RHBDL3: variants seen among roughly 807,000 people sequenced by gnomAD.
The protein encoded by RHBDL3 is rhomboid-related protein 3.
RHBDL3 carries 28 observed loss-of-function variants against 48.2 expected under a neutral mutation model. The observed-to-expected ratio is 0.58, with a 90% confidence interval of 0.43 to 0.80. The LOEUF (loss-of-function observed/expected upper bound fraction) is 0.80, where lower values mean the gene tolerates loss of function less well. RHBDL3 is among the 30% of genes least tolerant of loss of function. RHBDL3 has a pLI of 0.00. For missense variants in RHBDL3, 464 were observed against 542.7 expected, an observed-to-expected ratio of 0.85 and a Z score of 1.44; for synonymous variants, 208 against 232.3, an observed-to-expected ratio of 0.90 and a Z score of 0.95.
intron 2 of RHBDL3, among the ~76,000 whole-genome samples, chr17:32,272,093 A>C (rs575377238): frequency 6.6e-6 from 1 of 152,250 alleles, no homozygotes; most frequent in South Asian, 2.1e-4. Flanking sequence ...GGTGACTATG[A>C]GAATTAAATG....
intron 2 of RHBDL3, among the ~76,000 whole-genome samples, chr17:32,271,836 A>G (rs1240926311): frequency 1.3e-5 from 2 of 152,200 alleles, no homozygotes; most frequent in African/African-American, 4.8e-5. Flanking sequence ...CAATTTTGCT[A>G]ATCTCCCAGA....
chr17:32,272,268 T>A (rs144692038), intron 2 of RHBDL3, among the ~76,000 whole-genome samples: 1 of 152,244 alleles, frequency 6.6e-6, no homozygotes, highest in Non-Finnish European at 1.5e-5. Context: ...GAGGATTTTT[T>A]TGCTTTCTGA....
At chr17:32,274,357 T>A (rs894654721) in intron 2 of RHBDL3, among the ~76,000 whole-genome samples, 4 of 152,190 alleles carry the variant, frequency 2.6e-5, no homozygotes, top group Non-Finnish European at 5.9e-5. Context: ...GAGAAACCAG[T>A]CCGTGTGTGG....
chr17:32,266,467 C>T (rs2039634143), intron 1 of RHBDL3, among the ~76,000 whole-genome samples, 167 bp downstream of exon 1: 1 of 152,158 alleles, frequency 6.6e-6, no homozygotes, highest in South Asian at 2.1e-4. Context: ...CCGGTCTCCC[C>T]GAAACGCGCG....
In RHBDL3 at chr17:32,323,979, G is replaced by A. The variant is rs1050308346; in HGVS notation, c.*2750G>A. The A allele has an allele frequency of 2.6e-5, 4 of 152,544 alleles. No homozygotes were observed. Among genetic ancestry groups the A allele is most frequent in the African/African-American group, 9.6e-5 (4 of 41,458 alleles). 9.4% of individuals were successfully genotyped at this position (152,544 alleles called of 1,614,324 possible). A position where few individuals can be genotyped will look rare whatever the true frequency, so the allele number is the denominator to read the frequency against. ...CTCAGCAGCACTTCCCCATGGCCAAGGCTGGCCGTGTCCTCTGTGCCTCTT... is the reference window on the plus strand; with the variant it reads ...CTCAGCAGCACTTCCCCATGGCCAAAGCTGGCCGTGTCCTCTGTGCCTCTT... On this transcript the variant is annotated 3_prime_UTR_variant, in exon 9 of 9. Coordinates refer to ENST00000269051, the MANE Select transcript of RHBDL3 (RefSeq NM_138328.3).
chr17:32,301,854 T>C (rs549532844), intron 6 of RHBDL3, among the ~76,000 whole-genome samples: 2 of 152,056 alleles, frequency 1.3e-5, no homozygotes, highest in African/African-American at 4.8e-5. Flanking sequence ...TAAATAAAGT[T>C]ACATTACTTA....
At chr17:32,279,735 T>C (rs972881523) in intron 2 of RHBDL3, among the ~76,000 whole-genome samples, 22 of 152,206 alleles carry the variant, frequency 1.4e-4, no homozygotes, top group African/African-American at 4.8e-4. Flanking sequence ...CCCTTATAGC[T>C]CCCTGAGAAG....
At chr17:32,278,654 G>C (rs566677137) in intron 2 of RHBDL3, among the ~76,000 whole-genome samples, 7 of 152,246 alleles carry the variant, frequency 4.6e-5, no homozygotes, top group African/African-American at 1.4e-4. Flanking sequence ...GAATCCATCT[G>C]CACCTATTAC....
chr17:32,277,219 T>A (rs532861125), intron 2 of RHBDL3, among the ~76,000 whole-genome samples: 27 of 152,326 alleles, frequency 1.8e-4, no homozygotes, highest in Non-Finnish European at 2.6e-4. Context: ...GTCCAGGGCC[T>A]GTCTAGAGCA....
intron 2 of RHBDL3, among the ~76,000 whole-genome samples, chr17:32,274,992 A>G (rs1322957801): frequency 5.9e-5 from 9 of 152,068 alleles, no homozygotes; most frequent in Non-Finnish European, 8.8e-5. Flanking sequence ...CCAGCCCTTT[A>G]TCCTGCCTGC....
At chr17:32,282,902 A>G (rs555754466) in intron 2 of RHBDL3, among the ~76,000 whole-genome samples, 23 of 152,252 alleles carry the variant, frequency 1.5e-4, no homozygotes, top group African/African-American at 4.6e-4. Flanking sequence ...GATTACAGGC[A>G]TGAGCCACCG....
In RHBDL3 at chr17:32,301,160, G is replaced by A. The variant is rs372266547; in HGVS notation, c.781+2956G>A. On this transcript the variant is annotated intron_variant, in intron 6 of 8. Transcript: ENST00000269051. Reference sequence around the variant, plus strand: ...CTCCCAAAGTGCTGGGATTACAGGCGTGAGCCACTGCGCCTGGCAGCCCCC... The same window carrying A: ...CTCCCAAAGTGCTGGGATTACAGGCATGAGCCACTGCGCCTGGCAGCCCCC... Among the ~76,000 whole-genome samples the A allele has an allele frequency of 4.8e-4, 73 of 152,100 alleles. No individual in the cohort carries two copies. The Middle Eastern group carries it at 0.01, about 21-fold the overall frequency.
chr17:32,282,361 G>A (rs555932552), intron 2 of RHBDL3, among the ~76,000 whole-genome samples: 27 of 152,310 alleles, frequency 1.8e-4, no homozygotes, highest in Non-Finnish European at 1.9e-4. Flanking sequence ...AAGCCCAGGA[G>A]TTCGAGACCA....
chr17:32,294,128 C>CA (rs34051934), intron 4 of RHBDL3, among the ~76,000 whole-genome samples, 166 bp from the exon 5 acceptor site: 21,478 of 107,466 alleles, frequency 0.2, 2,628 homozygotes, highest in African/African-American at 0.4. Flanking sequence ...AACTCCATCT[C>CA]AAAAAAAAAA....
Position 32,294,349 on chromosome 17 carries a change from C to T in RHBDL3, c.575C>T (p.Thr192Ile). 1 of 1,614,042 alleles carries T rather than the reference C, an allele frequency of 6.2e-7. No homozygotes were observed. The highest frequency in any genetic ancestry group is 8.5e-7 in the Non-Finnish European group (1 of 1,179,994). ...CTAGGTCAATTTGTACTGCAGGTAACTCATCCACGTTACTTGAAGAACTCC... is the reference window on the plus strand; with the variant it reads ...CTAGGTCAATTTGTACTGCAGGTAATTCATCCACGTTACTTGAAGAACTCC... ...VSLGQFVLQV[T>I]HPRYLKNSLV... The change falls in exon 5 of 9, where the codon ACT becomes ATT. Residue 192 changes from threonine (T) to isoleucine (I), a missense_variant. By Grantham distance (89) the Thr-to-Ile change is moderately conservative. Transcript: ENST00000269051.
In RHBDL3 at chr17:32,298,085, G is replaced by T. The variant is rs1427777647; in HGVS notation, c.669-7G>T. 6.3e-6 allele frequency: 10 copies of T among 1,592,274 alleles called. No individual in the cohort carries two copies. The highest frequency in any genetic ancestry group is 8.6e-6 in the Non-Finnish European group (10 of 1,160,822). ...ATGAATGAGTGAGTGTGGTCTCTCT[G>T]TCACAGGATAGAACACCTGGGACTC... On this transcript the variant is annotated splice_polypyrimidine_tract_variant and splice_region_variant and intron_variant, in intron 5 of 8. Coordinates refer to ENST00000269051, the MANE Select transcript of RHBDL3 (RefSeq NM_138328.3).
At chr17:32,278,271 C>G (rs557046956) in intron 2 of RHBDL3, among the ~76,000 whole-genome samples, 42 of 152,282 alleles carry the variant, frequency 2.8e-4, no homozygotes, top group African/African-American at 9.9e-4. Flanking sequence ...GCATTCCAGC[C>G]TGGCGATAGA....
chr17:32,303,135 G>A (rs897244602), intron 6 of RHBDL3, among the ~76,000 whole-genome samples: 2 of 152,198 alleles, frequency 1.3e-5, no homozygotes, highest in Non-Finnish European at 2.9e-5. Flanking sequence ...GATAGGGTGA[G>A]GGAAAGGTCA....
At chr17:32,281,360 G>C (rs2040039928) in intron 2 of RHBDL3, among the ~76,000 whole-genome samples, 1 of 151,528 alleles carries the variant, frequency 6.6e-6, no homozygotes. Context: ...GCCCTCCCCA[G>C]CCTGGGAGGC....
Sources: gnomAD v4.1 joint callset for allele counts (sites outside exome capture counted in the v4.1 genomes callset) on GRCh38, gnomAD v4.1.1 for gene constraint, MANE v1.5 for transcripts, NCBI Gene and HGNC (gene_info 2026-07-23, HGNC 2026-07-21) for gene names.